The following DAB1 variants were observed in gnomAD, a reference collection of about 807,000 sequenced individuals.
DAB1 encodes the protein disabled homolog 1.
DAB1 carries 15 observed loss-of-function variants against 64.6 expected under a neutral mutation model. The ratio of observed to expected loss-of-function variants is 0.23; its 90% CI spans 0.16 to 0.36. The LOEUF is 0.36. Among genes scored for constraint, DAB1 ranks in the 10% least tolerant of loss-of-function variants. The probability of loss-of-function intolerance (pLI) is 1.00; values close to 1 mark genes in which losing one functional copy is unlikely to be tolerated. For synonymous variants in DAB1, 235 were observed against 251.9 expected (o/e 0.93, Z 0.64); for missense variants, 596 against 706.7 (o/e 0.84, Z 1.78).
At chr1:57,928,786 C>T (rs1169639027) in intron 5 of DAB1, among the ~76,000 whole-genome samples, 2 of 152,134 alleles carry the variant, frequency 1.3e-5, no homozygotes, top group Non-Finnish European at 1.5e-5. Flanking sequence ...CTTAAGAGCT[C>T]ATTTTTGTTA....
At chr1:58,513,003 G>A (rs750779602) in intron 2 of DAB1, among the ~76,000 whole-genome samples, 1 of 152,252 alleles carries the variant, frequency 6.6e-6, no homozygotes, top group Non-Finnish European at 1.5e-5. Flanking sequence ...TTCAAGAAAA[G>A]TATTATAGAA....
chr1:57,682,163 G>T (rs1173932794), intron 6 of DAB1, among the ~76,000 whole-genome samples: 1 of 151,784 alleles, frequency 6.6e-6, no homozygotes, highest in Non-Finnish European at 1.5e-5. Context: ...AATCAAAAGA[G>T]AATTTTTAAA....
chr1:57,894,377 G>C (rs1644362258), intron 5 of DAB1, among the ~76,000 whole-genome samples: 1 of 152,160 alleles, frequency 6.6e-6, no homozygotes, highest in Admixed American at 6.5e-5. Context: ...GGGAGATATG[G>C]TATGTGCTCA....
At chr1:57,802,651 G>C (rs939092422) in intron 6 of DAB1, among the ~76,000 whole-genome samples, 1 of 152,064 alleles carries the variant, frequency 6.6e-6, no homozygotes, top group Non-Finnish European at 1.5e-5. Flanking sequence ...ATGAGAGTGA[G>C]TGAGTTCTCA....
Position 57,145,338 on chromosome 1 carries a change from G to A in DAB1, c.159C>T (p.Ser53=), listed in dbSNP as rs762550468. The change falls in exon 3 of 15, where the codon TCC becomes TCT. Residue 53 remains serine, a synonymous_variant. Coordinates refer to ENST00000371236, the MANE Select transcript of DAB1 (RefSeq NM_001365792.1). ...KAKLIGIDEV[S]AARGDKLCQD... The stretch of plus-strand genomic sequence containing the variant: ...GACATAACTTGTCTCCCCGAGCTGC[G>A]GAAACTTCATCAATCCCGATCAATT... 2.2e-5 allele frequency: 36 copies of A among 1,613,904 alleles called. No homozygotes were observed. Among genetic ancestry groups the A allele is most frequent in the East Asian group, 4.5e-5 (2 of 44,866 alleles).
intron 2 of DAB1, among the ~76,000 whole-genome samples, chr1:57,183,367 GA>G (rs1327988292): frequency 6.6e-6 from 1 of 152,222 alleles, no homozygotes. Context: ...AGGAACACTG[GA>G]GAAATACAGA....
chr1:57,913,547 G>C lies in DAB1; in HGVS notation n.388-29385C>G, dbSNP rs537337799. Among the ~76,000 whole-genome samples, 9 of 152,326 alleles carry C rather than the reference G, an allele frequency of 5.9e-5. No individual in the cohort carries two copies. The East Asian group carries it at 1.7e-3, about 29-fold the overall frequency. ...ACATAGGCATGGGCAAGGACTTCAT[G>C]TCTAAAACACCAAAAGCAATGGCAA... On this transcript the variant is annotated intron_variant and non_coding_transcript_variant, in intron 5 of 20. Coordinates refer to the DAB1 transcript ENST00000485760.
rs371863035 is a variant in DAB1, at chr1:57,315,237, G to A, written c.-136-24071C>T. 6.6e-4 allele frequency among the ~76,000 whole-genome samples: 101 copies of A among 152,246 alleles called. 1 individual carries two copies. In the South Asian group the frequency reaches 0.018, roughly 27 times the overall value. ...ATTGCCTCCTTGTGTCCTCATACCA[G>A]TTACTGTATCATTTCAAACTATTTA... On this transcript the variant is annotated intron_variant, in intron 1 of 14. Transcript: ENST00000371236.
At chr1:58,459,929 G>C (rs985979896) in intron 3 of DAB1, among the ~76,000 whole-genome samples, 1 of 152,300 alleles carries the variant, frequency 6.6e-6, no homozygotes, top group Non-Finnish European at 1.5e-5. Flanking sequence ...AGTGAGCTGA[G>C]ATCATGCCAC....
At chr1:57,872,000 T>C (rs1479100747) in intron 1 of DAB1, among the ~76,000 whole-genome samples, 1 of 152,154 alleles carries the variant, frequency 6.6e-6, no homozygotes, top group Non-Finnish European at 1.5e-5. Flanking sequence ...GTATAGTCTC[T>C]AAGCCTTAGC....
intron 3 of DAB1, among the ~76,000 whole-genome samples, chr1:58,481,789 T>A (rs979525111): frequency 6.6e-6 from 1 of 152,152 alleles, no homozygotes; most frequent in Non-Finnish European, 1.5e-5. Flanking sequence ...GATGGTTTTA[T>A]AAAGGGCAGT....
intron 4 of DAB1, among the ~76,000 whole-genome samples, chr1:58,239,563 C>T (rs1660195811): frequency 1.3e-5 from 2 of 152,128 alleles, no homozygotes; most frequent in South Asian, 4.2e-4. Flanking sequence ...ATTAGAAAGT[C>T]AATAGGAGCC....
intron 5 of DAB1, among the ~76,000 whole-genome samples, chr1:57,955,393 G>T (rs1341316978): frequency 6.6e-6 from 1 of 152,138 alleles, no homozygotes. Context: ...ATCTGACTTA[G>T]TCCCTTGTCC....
At chr1:57,142,367 G>A (rs1245713549) in intron 3 of DAB1, among the ~76,000 whole-genome samples, 1 of 152,122 alleles carries the variant, frequency 6.6e-6, no homozygotes, top group Non-Finnish European at 1.5e-5. Context: ...ATGGCCAAAT[G>A]GAGAATTGAT....
At chr1:58,444,567 T>C (rs891955332) in intron 3 of DAB1, among the ~76,000 whole-genome samples, 7 of 152,088 alleles carry the variant, frequency 4.6e-5, no homozygotes, top group African/African-American at 1.7e-4. Context: ...AAAAATGATA[T>C]GGGAGAGGCA....
At chr1:57,630,726 A>G (rs1645979427) in intron 7 of DAB1, among the ~76,000 whole-genome samples, 1 of 152,228 alleles carries the variant, frequency 6.6e-6, no homozygotes, top group East Asian at 1.9e-4. Context: ...AAATTGTGGA[A>G]TTAAAATATA....
chr1:57,637,934 A>C (rs1206252960), intron 7 of DAB1, among the ~76,000 whole-genome samples: 1 of 152,188 alleles, frequency 6.6e-6, no homozygotes, highest in Non-Finnish European at 1.5e-5. Context: ...GCATTTACTC[A>C]ATGGAATATT....
chr1:58,492,999 T>G (rs1238966376), intron 3 of DAB1, among the ~76,000 whole-genome samples: 2 of 152,040 alleles, frequency 1.3e-5, no homozygotes, highest in African/African-American at 4.8e-5. Context: ...CTGATGAACA[T>G]CAATGCAAAA....
At chr1:57,354,344 T>G (rs760708446) in intron 1 of DAB1, among the ~76,000 whole-genome samples, 9 of 152,154 alleles carry the variant, frequency 5.9e-5, no homozygotes, top group African/African-American at 7.2e-5. Flanking sequence ...CCTAATCCTT[T>G]TGGACCTTAG....
Sources: allele counts gnomAD v4.1 joint callset (sites outside exome capture counted in the v4.1 genomes callset), GRCh38; gene constraint gnomAD v4.1.1; transcripts MANE v1.5; gene names NCBI Gene and HGNC (gene_info 2026-07-23, HGNC 2026-07-21).